ATG4A: variants seen among roughly 807,000 people sequenced by gnomAD.
The protein encoded by ATG4A is autophagy related 4A cysteine peptidase, also known as cysteine protease ATG4A.
A neutral mutation model predicts 38.4 loss-of-function variants in ATG4A; 22 were observed. That is an observed-to-expected ratio of 0.57 (90% CI 0.41 to 0.82). ATG4A has a LOEUF of 0.82. Among genes scored for constraint, ATG4A ranks in the 40% least tolerant of loss-of-function variants. The pLI is 0.00. For missense variants in ATG4A, 220 were observed against 290.0 expected, an observed-to-expected ratio of 0.76 and a Z score of 1.75; for synonymous variants, 86 against 100.7, an observed-to-expected ratio of 0.85 and a Z score of 0.88.
intron 1 of ATG4A, among the ~76,000 whole-genome samples, chrX:108,123,942 A>C (rs1235712383): frequency 8.9e-6 from 1 of 112,680 alleles, no homozygotes; most frequent in Non-Finnish European, 1.9e-5. Flanking sequence ...AATGCCATCC[A>C]TCCTCACCCC....
At chrX:108,106,023 C>G (rs971786434) in intron 1 of ATG4A, among the ~76,000 whole-genome samples, 3 of 111,686 alleles carry the variant, frequency 2.7e-5, no homozygotes, top group Admixed American at 1.9e-4. Flanking sequence ...CTCAATATAT[C>G]ATTGTTAAAT....
At chrX:108,129,428 G>A (rs2032889160) in intron 3 of ATG4A, among the ~76,000 whole-genome samples, 1 of 111,343 alleles carries the variant, frequency 9.0e-6, no homozygotes, top group Non-Finnish European at 1.9e-5. Flanking sequence ...TGCAAGTAGG[G>A]TGGCCACTTC....
At position 108,128,799 on chromosome X, in the gene ATG4A, CTGATA is replaced by C. The variant is rs755402176; in HGVS notation, c.142_146del (p.Asp48LysfsTer44). ...ATTACAGAAAAATCTAAGCTGTTGT[CTGATA>C]TAAGTGCTCGTCTATGGTTTACATA... On this transcript the variant is annotated frameshift_variant, in exon 3 of 13. Transcript: ENST00000372232. LOFTEE classifies it high-confidence loss of function. 6 of 1,175,800 alleles carry C rather than the reference CTGATA, an allele frequency of 5.1e-6. No homozygotes were observed. Among genetic ancestry groups the C allele is most frequent in the Non-Finnish European group, 2.3e-6 (2 of 879,125 alleles).
chrX:108,153,577 T>C (rs1461036846), intron 12 of ATG4A, 65 bp from the exon 13 acceptor site: 31 of 887,465 alleles, frequency 3.5e-5, no homozygotes, highest in Non-Finnish European at 4.9e-5. Context: ...CTGAGTAAAG[T>C]ATTTACTGAC....
chrX:108,110,588 C>T (rs1448184944), intron 1 of ATG4A, among the ~76,000 whole-genome samples: 3 of 111,681 alleles, frequency 2.7e-5, no homozygotes, highest in Non-Finnish European at 3.8e-5. Flanking sequence ...ACACAGCTCT[C>T]CCTCTCCCTT....
chrX:108,131,266 C>T lies in ATG4A; in HGVS notation c.200C>T (p.Thr67Met), dbSNP rs370004662. Residue 67 changes from threonine (T) to methionine (M), a missense_variant, in exon 4 of 13, where the codon ACG (threonine) becomes ATG (methionine). Transcript: ENST00000372232. ...YRRKFSPIGG[T>M]GPSSDAGWGC... ...CCTTCCATTTTGCCAACAGGTGGAA[C>T]GGGCCCTTCATCAGATGCTGGTTGG... 120 of 1,209,285 alleles carry T rather than the reference C, an allele frequency of 9.9e-5. No individual in the cohort carries two copies. Among genetic ancestry groups the T allele is most frequent in the African/African-American group, 1.2e-4 (7 of 57,357 alleles).
chrX:108,093,305 G>A (rs984418874), intron 1 of ATG4A, among the ~76,000 whole-genome samples: 1 of 112,077 alleles, frequency 8.9e-6, no homozygotes, highest in African/African-American at 3.2e-5. Context: ...TTATATAAAT[G>A]AAATCATACA....
Position 108,138,128 on chromosome X carries a change from C to A in ATG4A, c.751C>A (p.Pro251Thr), listed in dbSNP as rs763556286. Residue 251 changes from proline (P) to threonine (T), a missense_variant, in exon 9 of 13, where the codon CCA becomes ACA. Pro to Thr is a conservative substitution (Grantham distance 38, BLOSUM62 -1). Coordinates refer to ENST00000372232, the MANE Select transcript of ATG4A (RefSeq NM_052936.5). ...TTCTCTCCAGGAGTGTTTTAAGATGCCACAGTCTTTAGGGGCATTAGGAGG... is the reference window on the plus strand; with the variant it reads ...TTCTCTCCAGGAGTGTTTTAAGATGACACAGTCTTTAGGGGCATTAGGAGG... ...VDAFKECFKM[P>T]QSLGALGGKP... 3 of 1,210,330 alleles carry A rather than the reference C, an allele frequency of 2.5e-6. No individual in the cohort carries two copies. Among genetic ancestry groups the A allele is most frequent in the Middle Eastern group, 4.6e-4 (2 of 4,350 alleles).
At chrX:108,131,024 A>G (rs926126228) in intron 3 of ATG4A, among the ~76,000 whole-genome samples, 1 of 111,804 alleles carries the variant, frequency 8.9e-6, no homozygotes, top group Non-Finnish European at 1.9e-5. Flanking sequence ...TAAGGGACAC[A>G]TTTAGTTCAT....
At chrX:108,105,512 A>C (rs1418838637) in intron 1 of ATG4A, among the ~76,000 whole-genome samples, 1 of 110,998 alleles carries the variant, frequency 9.0e-6, no homozygotes, top group African/African-American at 3.3e-5. Flanking sequence ...TCAGTGCCCC[A>C]AGTCAGGTGA....
chrX:108,132,947 G>A (rs1193030341), intron 4 of ATG4A, among the ~76,000 whole-genome samples: 1 of 111,578 alleles, frequency 9.0e-6, no homozygotes, highest in African/African-American at 3.3e-5. Context: ...TTCCTATTCA[G>A]CTATTTTAAA....
chrX:108,113,322 A>G (rs912616807), intron 1 of ATG4A, among the ~76,000 whole-genome samples: 5 of 111,984 alleles, frequency 4.5e-5, no homozygotes, highest in African/African-American at 1.3e-4. Context: ...ACTCTGGTGC[A>G]CATCATTTCT....
chrX:108,135,323 T>C (rs1312717346), intron 6 of ATG4A, among the ~76,000 whole-genome samples: 1 of 112,466 alleles, frequency 8.9e-6, no homozygotes, highest in Non-Finnish European at 1.9e-5. Flanking sequence ...GATCAGAAGA[T>C]TGAAACCTTC....
intron 9 of ATG4A, among the ~76,000 whole-genome samples, chrX:108,146,615 G>A (rs1356812395): frequency 8.9e-6 from 1 of 111,743 alleles, no homozygotes; most frequent in Admixed American, 9.5e-5. Context: ...CTTCGAAGAT[G>A]CATGTTCTGC....
intron 9 of ATG4A, among the ~76,000 whole-genome samples, chrX:108,148,717 C>T (rs970872246): frequency 8.9e-6 from 1 of 111,889 alleles, no homozygotes; most frequent in Non-Finnish European, 1.9e-5. Context: ...GGTAGGCTTC[C>T]TTCTAGCCAT....
intron 1 of ATG4A, among the ~76,000 whole-genome samples, chrX:108,115,036 A>T (rs1190487678): frequency 1.8e-5 from 2 of 110,897 alleles, no homozygotes; most frequent in African/African-American, 6.6e-5. Context: ...AAATCTAATA[A>T]ATTAGCCTTA....
At chrX:108,137,024 A>G (rs1172747691) in intron 6 of ATG4A, 67 bp from the exon 7 acceptor site, 45 of 970,725 alleles carry the variant, frequency 4.6e-5, no homozygotes, top group Non-Finnish European at 6.0e-5. Flanking sequence ...CTGGGCATAA[A>G]TTGTACTGTT....
upstream of ATG4A, among the ~76,000 whole-genome samples, chrX:108,091,163 G>A (rs2031602984): frequency 8.8e-6 from 1 of 113,443 alleles, no homozygotes. Flanking sequence ...TGCGGTAGAC[G>A]TTCTAGAACT....
intron 10 of ATG4A, among the ~76,000 whole-genome samples, chrX:108,151,483 T>C (rs1323943500): frequency 1.8e-5 from 2 of 112,503 alleles, no homozygotes; most frequent in Non-Finnish European, 3.7e-5. Context: ...TCTTTGGAGA[T>C]GTGTGTATTT....
Sources: allele counts gnomAD v4.1 joint callset (sites outside exome capture counted in the v4.1 genomes callset), GRCh38; gene constraint gnomAD v4.1.1; transcripts MANE v1.5; gene names NCBI Gene and HGNC (gene_info 2026-07-23, HGNC 2026-07-21).